Variants in IGSF21 observed in about 807,000 individuals in gnomAD.
The protein encoded by IGSF21 is immunoglobin superfamily member 21, also known as immunoglobulin superfamily member 21.
IGSF21 carries 28 observed loss-of-function variants against 46.8 expected under a neutral mutation model. That is an observed-to-expected ratio of 0.60 (90% CI 0.44 to 0.82). The LOEUF (loss-of-function observed/expected upper bound fraction) is 0.82, where lower values mean the gene tolerates loss of function less well. Ranked by LOEUF, IGSF21 falls within the 40% of genes least tolerant of loss-of-function variation. IGSF21 has a pLI of 0.00. For synonymous variants in IGSF21, 284 were observed against 273.6 expected (o/e 1.04, Z -0.38); for missense variants, 624 against 665.5 (o/e 0.94, Z 0.69).
chr1:18,126,979 C>A (rs2124412878), intron 1 of IGSF21, among the ~76,000 whole-genome samples: 1 of 152,290 alleles, frequency 6.6e-6, no homozygotes, highest in Middle Eastern at 3.4e-3. Context: ...AGATGCCCCT[C>A]ACCCTGCATT....
At chr1:18,122,788 A>AT (rs930215019) in intron 1 of IGSF21, among the ~76,000 whole-genome samples, 8 of 151,026 alleles carry the variant, frequency 5.3e-5, no homozygotes, top group Non-Finnish European at 1.0e-4. Flanking sequence ...GCCCCAGCTA[A>AT]TTTTTTTTCT....
chr1:18,243,689 T>C (rs1422854969), intron 2 of IGSF21, among the ~76,000 whole-genome samples: 1 of 152,140 alleles, frequency 6.6e-6, no homozygotes, highest in African/African-American at 2.4e-5. Context: ...CCCACTCCAC[T>C]ACCTCCCACC....
intron 1 of IGSF21, among the ~76,000 whole-genome samples, chr1:18,182,171 G>GTCT (rs1303978438): frequency 8.8e-6 from 1 of 113,714 alleles, no homozygotes; most frequent in Non-Finnish European, 1.8e-5. Flanking sequence ...TCTGAAAGGT[G>GTCT]TCTTTTTTTT....
chr1:18,307,151 T>C (rs968830762), intron 3 of IGSF21, among the ~76,000 whole-genome samples: 2 of 152,138 alleles, frequency 1.3e-5, no homozygotes, highest in African/African-American at 4.8e-5. Context: ...GTCTTGTTTT[T>C]TTTTTCCCCT....
chr1:18,173,849 G>C (rs1222017980), intron 1 of IGSF21, among the ~76,000 whole-genome samples: 1 of 152,144 alleles, frequency 6.6e-6, no homozygotes, highest in African/African-American at 2.4e-5. Context: ...GGTCTCCCAG[G>C]TTCAAGCGAT....
At chr1:18,366,180 A>C (rs529775248) in intron 6 of IGSF21, among the ~76,000 whole-genome samples, 1 of 152,310 alleles carries the variant, frequency 6.6e-6, no homozygotes, top group South Asian at 2.1e-4. Context: ...CCAGATAAAA[A>C]AGATGGAAAG....
chr1:18,144,819 G>A (rs561946179), intron 1 of IGSF21, among the ~76,000 whole-genome samples: 69 of 152,166 alleles, frequency 4.5e-4, no homozygotes, highest in African/African-American at 1.4e-3. Context: ...CTTGTTCTTC[G>A]TGACCTTGAG....
chr1:18,125,471 C>G (rs779666606), intron 1 of IGSF21, among the ~76,000 whole-genome samples: 1 of 152,132 alleles, frequency 6.6e-6, no homozygotes, highest in African/African-American at 2.4e-5. Flanking sequence ...ACGGCTACCT[C>G]GTTGGAAATT....
intron 2 of IGSF21, among the ~76,000 whole-genome samples, chr1:18,268,779 T>C (rs75432539): frequency 0.012 from 1,795 of 152,188 alleles, 17 homozygotes; most frequent in Non-Finnish European, 0.019. Flanking sequence ...GTCTCCAGGG[T>C]TGGAGAAAGG....
intron 3 of IGSF21, among the ~76,000 whole-genome samples, chr1:18,305,245 G>A (rs1165984195): frequency 6.6e-6 from 1 of 151,768 alleles, no homozygotes; most frequent in Non-Finnish European, 1.5e-5. Context: ...TGAATCGATG[G>A]ATGGATGCAT....
At chr1:18,121,406 C>T (rs540636244) in intron 1 of IGSF21, among the ~76,000 whole-genome samples, 66 of 151,638 alleles carry the variant, frequency 4.4e-4, no homozygotes, top group Non-Finnish European at 3.7e-4. Context: ...TGGCTTTTCT[C>T]ACGATCCTCT....
chr1:18,212,958 G>A (rs2084407544), intron 1 of IGSF21, among the ~76,000 whole-genome samples: 2 of 152,234 alleles, frequency 1.3e-5, no homozygotes, highest in South Asian at 2.1e-4. Context: ...TAGTATGGTA[G>A]AAAGGTCATA....
intron 1 of IGSF21, among the ~76,000 whole-genome samples, chr1:18,172,119 G>A (rs1405478690): frequency 1.3e-5 from 2 of 152,124 alleles, no homozygotes; most frequent in Non-Finnish European, 2.9e-5. Flanking sequence ...CTTTGATGAG[G>A]GCCTGGGCTG....
At chr1:18,276,673 G>C (rs1470699006) in intron 2 of IGSF21, among the ~76,000 whole-genome samples, 1 of 152,126 alleles carries the variant, frequency 6.6e-6, no homozygotes, top group Non-Finnish European at 1.5e-5. Flanking sequence ...GAGAGCTGGG[G>C]TCACAAGCCA....
At chr1:18,338,585 AC>A (rs771389620) in intron 4 of IGSF21, among the ~76,000 whole-genome samples, 13 of 152,100 alleles carry the variant, frequency 8.5e-5, no homozygotes, top group Non-Finnish European at 1.6e-4. Flanking sequence ...AAAGCCCAGC[AC>A]CCCAGTCTAC....
At chr1:18,305,589 GGATGGATGATGGATA>G (rs2085417707) in intron 3 of IGSF21, among the ~76,000 whole-genome samples, 1 of 150,604 alleles carries the variant, frequency 6.6e-6, no homozygotes, top group Non-Finnish European at 1.5e-5. Flanking sequence ...ATGGATGGAT[GGATGGATGATGGATA>G]GATGGATGGA....
At chr1:18,330,855 A>G (rs374604441) in intron 3 of IGSF21, among the ~76,000 whole-genome samples, 4 of 152,204 alleles carry the variant, frequency 2.6e-5, no homozygotes, top group East Asian at 1.9e-4. Flanking sequence ...CCCCTGTCCC[A>G]CACATGTACA....
intron 1 of IGSF21, among the ~76,000 whole-genome samples, chr1:18,198,725 G>T (rs944544477): frequency 6.6e-6 from 1 of 152,074 alleles, no homozygotes; most frequent in African/African-American, 2.4e-5. Flanking sequence ...TTCCACACTG[G>T]GCCCCAGGTG....
At chr1:18,353,217 C>T (rs1243819166) in intron 4 of IGSF21, among the ~76,000 whole-genome samples, 1 of 151,826 alleles carries the variant, frequency 6.6e-6, no homozygotes, top group African/African-American at 2.4e-5. Context: ...AAGAGTTGCA[C>T]TTTTTTTTCC....
Sources: allele counts gnomAD v4.1 joint callset (sites outside exome capture counted in the v4.1 genomes callset), GRCh38; gene constraint gnomAD v4.1.1; transcripts MANE v1.5; gene names NCBI Gene and HGNC (gene_info 2026-07-23, HGNC 2026-07-21).